Variants in NOBOX observed in about 807,000 individuals in gnomAD.
The protein encoded by NOBOX is NOBOX oogenesis homeobox, also known as homeobox protein NOBOX.
A neutral mutation model predicts 60.2 loss-of-function variants in NOBOX; 46 were observed. The observed-to-expected ratio is 0.76, with a 90% CI of 0.60 to 0.98. The LOEUF is 0.98. NOBOX is among the 50% of genes least tolerant of loss of function. NOBOX has a pLI of 0.00. For missense variants in NOBOX, 880 were observed against 865.5 expected (o/e 1.02, Z -0.21); for synonymous variants, 360 against 346.3 (o/e 1.04, Z -0.44).
chr7:144,401,933 T>C lies in NOBOX; in HGVS notation c.228A>G (p.Leu76=). The stretch of plus-strand genomic sequence containing the variant: ...GTTTGAGGGACTGTTCAGGTATCTC[T>C]AAGGGATCATGTTGGGGCTGCGGAT... Residue 76 remains leucine (L), a synonymous_variant, in exon 3 of 10, where the codon TTA becomes TTG. Coordinates refer to ENST00000467773, the MANE Select transcript of NOBOX (RefSeq NM_001080413.3). The surrounding 1 kb of genome is among the most constrained non-coding windows in gnomAD (Gnocchi z 4.2). 1 of 1,612,318 alleles carries C rather than the reference T, an allele frequency of 6.2e-7. No individual in the cohort carries two copies. Among genetic ancestry groups the C allele is most frequent in the Non-Finnish European group, 8.5e-7 (1 of 1,178,512 alleles).
intron 8 of NOBOX, 63 bp from the exon 7 acceptor site, chr7:144,398,649 A>C: frequency 8.3e-7 from 1 of 1,202,530 alleles, no homozygotes; most frequent in Non-Finnish European, 1.2e-6. Flanking sequence ...TTCCTACCAC[A>C]GTAGCGGAGT....
intron 4 of NOBOX, 76 bp from the exon 3 acceptor site, chr7:144,400,388 C>A: frequency 7.7e-7 from 1 of 1,307,140 alleles, no homozygotes; most frequent in Non-Finnish European, 1.1e-6. Flanking sequence ...AGGTGCTCAC[C>A]AAGTATCTCC....
chr7:144,406,382 AC>A (rs1047321548), intron 1 of NOBOX, among the ~76,000 whole-genome samples: 1 of 152,110 alleles, frequency 6.6e-6, no homozygotes, highest in African/African-American at 2.4e-5. Context: ...ACATGGTGAA[AC>A]CCTGTCTCTA....
chr7:144,399,929 T>C, intron 5 of NOBOX, 66 bp from the exon 4 acceptor site: 1 of 1,393,794 alleles, frequency 7.2e-7, no homozygotes, highest in Non-Finnish European at 1.0e-6. Flanking sequence ...AGGTCCTGGC[T>C]GTTGCACAAG....
At position 144,401,761 on chromosome 7, in the gene NOBOX, T is replaced by C. The variant is rs2053941276; in HGVS notation, c.292+108A>G. On this transcript the variant is annotated intron_variant, in intron 3 of 9. Transcript: ENST00000467773. This position sits in a 1 kb window ranked among gnomAD's most constrained non-coding sequence, Gnocchi z 4.2. ...CACACTTACCTTCCTAGCTTGACTA[T>C]TGTGAGGATTAAATCAGATAACCCA... The C allele has an allele frequency of 9.6e-7, 1 of 1,044,242 alleles. No individual in the cohort carries two copies. The highest frequency in any genetic ancestry group is 1.6e-5 in the African/African-American group (1 of 63,094). 64.7% of individuals were successfully genotyped at this position (1,044,242 alleles called of 1,614,324 possible). A position where few individuals can be genotyped will look rare whatever the true frequency, so the allele number is the denominator to read the frequency against.
At chr7:144,408,607 A>C (rs1343555799) in intron 1 of NOBOX, among the ~76,000 whole-genome samples, 1 of 152,206 alleles carries the variant, frequency 6.6e-6, no homozygotes, top group Non-Finnish European at 1.5e-5. Context: ...ACTTCTCCGA[A>C]GGTGACAGTG....
chr7:144,399,271 C>G, intron 7 of NOBOX, 93 bp from the exon 6 acceptor site: 1 of 934,808 alleles, frequency 1.1e-6, no homozygotes. Flanking sequence ...ATGCCCAGGT[C>G]CCCCTGAATA....
At chr7:144,397,163 A>AC, downstream of NOBOX, 1 of 1,310,570 alleles carries the variant, frequency 7.6e-7, no homozygotes, top group East Asian at 2.5e-5. Flanking sequence ...TCTTTCCCAA[A>AC]CCCCCAACCC....
At chr7:144,404,891 A>C (rs1298750873) in intron 1 of NOBOX, among the ~76,000 whole-genome samples, 1 of 152,080 alleles carries the variant, frequency 6.6e-6, no homozygotes, top group Admixed American at 6.5e-5. Context: ...AGAAAGTCGG[A>C]GGGCTGGTCA....
At position 144,398,491 on chromosome 7, in the gene NOBOX, G is replaced by C; in HGVS notation, c.1565C>G (p.Ala522Gly). ...GGACTGGAAAAGCGGGGGCTGTGGA[G>C]CCTGGGAGAACTGGAAGGGTCCTGG... Residue 522 changes from alanine (A) to glycine (G), a missense_variant, in exon 9 of 10, where the codon GCT becomes GGT. Ala to Gly is a moderately conservative substitution (Grantham distance 60). Transcript: ENST00000467773. 6.5e-7 allele frequency: 1 copy of C among 1,537,022 alleles called. No individual in the cohort carries two copies. Among genetic ancestry groups the C allele is most frequent in the Non-Finnish European group, 8.7e-7 (1 of 1,146,806 alleles).
In NOBOX at chr7:144,400,143, G is replaced by C; in HGVS notation, c.1014C>G (p.Leu338=). Residue 338 remains leucine, a synonymous_variant, in exon 5 of 10, where the codon CTC becomes CTG. Transcript: ENST00000467773. ...CCGCTGAGCGCTCACTCTGCAATTC[G>C]AGTGTTTCAATGGTGGGCCCTCCGC... 1 of 1,613,760 alleles carries C rather than the reference G, an allele frequency of 6.2e-7. No homozygotes were observed. The highest frequency in any genetic ancestry group is 1.1e-5 in the South Asian group (1 of 91,076).
At chr7:144,404,778 G>A (rs1395425487) in intron 1 of NOBOX, 1 of 1,350,532 alleles carries the variant, frequency 7.4e-7, no homozygotes, top group African/African-American at 1.5e-5. Context: ...GATCTCACAG[G>A]GGTGCAGCCT....
In NOBOX at chr7:144,397,409, G is replaced by C; in HGVS notation, c.1907C>G (p.Ala636Gly). Reference sequence around the variant, plus strand: ...AGCTGACGAAGGCTGCCTGCCCAGAGCCTGGGGGCAGGGAGTTGGAAATAG... The same window carrying C: ...AGCTGACGAAGGCTGCCTGCCCAGACCCTGGGGGCAGGGAGTTGGAAATAG... The change falls in exon 10 of 10, where the codon GCT (alanine) becomes GGT (glycine). Residue 636 changes from alanine (A) to glycine (G), a missense_variant. By Grantham distance (60) the Ala-to-Gly change is moderately conservative. Transcript: ENST00000467773. The C allele has an allele frequency of 1.3e-6, 2 of 1,537,274 alleles. No individual in the cohort carries two copies. The highest frequency in any genetic ancestry group is 1.7e-6 in the Non-Finnish European group (2 of 1,146,916).
downstream of NOBOX, among the ~76,000 whole-genome samples, chr7:144,397,088 T>C (rs1461381856): frequency 6.6e-6 from 1 of 151,404 alleles, no homozygotes; most frequent in Non-Finnish European, 1.5e-5. Context: ...TTCCTTCTCA[T>C]ATCAACAAGA....
At chr7:144,399,978 T>C in intron 5 of NOBOX, 115 bp from the exon 4 acceptor site, 1 of 1,278,594 alleles carries the variant, frequency 7.8e-7, no homozygotes, top group South Asian at 1.4e-5. Flanking sequence ...AGCACTCTGC[T>C]TCTGAGCCCT....
At position 144,401,175 on chromosome 7, in the gene NOBOX, G is replaced by C; in HGVS notation, c.715C>G (p.Arg239Gly). The stretch of plus-strand genomic sequence containing the variant: ...AGATTGGCCAGGTGGCAGGGCCCCC[G>C]GCCTGACCCACAGGGCACTGGGTTG... Residue 239 changes from arginine (R) to glycine (G), a missense_variant, in exon 4 of 10, where the codon CGG becomes GGG. Transcript: ENST00000467773. The surrounding 1 kb of genome is among the most constrained non-coding windows in gnomAD (Gnocchi z 4.2). 6.2e-7 allele frequency: 1 copy of C among 1,613,276 alleles called. No individual in the cohort carries two copies.
In NOBOX at chr7:144,400,927, G is replaced by A. The variant is rs367808419; in HGVS notation, c.844+119C>T. On this transcript the variant is annotated intron_variant, in intron 4 of 9. Coordinates refer to ENST00000467773, the MANE Select transcript of NOBOX (RefSeq NM_001080413.3). ...CGCGGCCCAAGAGAGAATCCGGGAC[G>A]AAGTGACATACAAACTAACCCCATC... is the stretch of plus-strand genomic sequence containing the variant. The A allele has an allele frequency of 1.1e-3, 828 of 778,722 alleles. 24 individuals are homozygous for A. The South Asian group carries it at 0.031, about 29-fold the overall frequency. 48.2% of individuals were successfully genotyped at this position (778,722 alleles called of 1,614,324 possible). A position where few individuals can be genotyped will look rare whatever the true frequency, so the allele number is the denominator to read the frequency against.
chr7:144,404,686 AG>A lies in NOBOX; in HGVS notation c.86-7del. ...AGGTACAGCCAGGGGCGGCCCTGCC[AG>A]GGACGGTGTGGTTACTGTGTTTCCA... On this transcript the variant is annotated splice_region_variant and splice_polypyrimidine_tract_variant and intron_variant, in intron 1 of 9. Transcript: ENST00000467773. The A allele has an allele frequency of 6.2e-7, 1 of 1,613,504 alleles. No homozygotes were observed. The highest frequency in any genetic ancestry group is 8.5e-7 in the Non-Finnish European group (1 of 1,179,680).
At chr7:144,403,311 G>A (rs2053956261) in intron 2 of NOBOX, among the ~76,000 whole-genome samples, 1 of 152,140 alleles carries the variant, frequency 6.6e-6, no homozygotes, top group Non-Finnish European at 1.5e-5. Flanking sequence ...CACTGTGGGT[G>A]CTCCGTAAGC....
Sources: gnomAD v4.1 joint callset for allele counts (sites outside exome capture counted in the v4.1 genomes callset) on GRCh38, gnomAD v4.1.1 for gene constraint, Gnocchi (gnomAD v3.1) non-coding constraint, MANE v1.5 for transcripts, NCBI Gene and HGNC (gene_info 2026-07-23, HGNC 2026-07-21) for gene names.